Variants in TNRC6B observed in about 807,000 individuals in gnomAD.
TNRC6B encodes the protein trinucleotide repeat-containing gene 6B protein.
Under a neutral mutation model 203.6 loss-of-function variants are expected in TNRC6B, and 52 were observed. That is an observed-to-expected ratio of 0.26 (90% CI 0.20 to 0.32). TNRC6B has a LOEUF of 0.32. Among genes scored for constraint, TNRC6B ranks in the 10% least tolerant of loss-of-function variants. The pLI, the probability that TNRC6B is intolerant of heterozygous loss-of-function variation, is 1.00. For missense variants in TNRC6B, 1,923 were observed against 2,286.2 expected (o/e 0.84, Z 3.24); for synonymous variants, 838 against 845.7 (o/e 0.99, Z 0.16).
At position 40,054,258 on chromosome 22, in the gene TNRC6B, C is replaced by T. The variant is rs572758719; in HGVS notation, c.-121+9260C>T. ...TGAGGCCTAAAGACCCTGATAAGAA[C>T]CTGAATTCTTGTTCTTGCCTTTTTC... is the stretch of plus-strand genomic sequence containing the variant. On this transcript the variant is annotated intron_variant, in intron 1 of 23. Transcript: ENST00000301923. Among the ~76,000 whole-genome samples, 21 of 152,240 alleles carry T rather than the reference C, an allele frequency of 1.4e-4. 1 individual carries two copies. The South Asian group carries it at 4.4e-3, about 32-fold the overall frequency.
chr22:40,261,510 G>A (rs551993433), intron 3 of TNRC6B, among the ~76,000 whole-genome samples: 73 of 152,108 alleles, frequency 4.8e-4, no homozygotes, highest in African/African-American at 1.7e-3. Flanking sequence ...CCTGGGAGGC[G>A]GAGGTTGCAG....
intron 1 of TNRC6B, chr22:40,106,897 G>A: frequency 1.0e-6 from 1 of 973,942 alleles, no homozygotes; most frequent in Non-Finnish European, 1.6e-6. Context: ...CCTTGTGACA[G>A]TGCTTCGCTT....
At chr22:40,114,425 A>T (rs1290718385) in intron 1 of TNRC6B, among the ~76,000 whole-genome samples, 2 of 152,094 alleles carry the variant, frequency 1.3e-5, no homozygotes, top group Admixed American at 6.6e-5. Flanking sequence ...GACTCAAGCA[A>T]TTCTCCTGCC....
chr22:40,050,909 C>T (rs1022055419), intron 1 of TNRC6B, among the ~76,000 whole-genome samples: 1 of 151,602 alleles, frequency 6.6e-6, no homozygotes, highest in Admixed American at 6.6e-5. Context: ...ACTGCAACGT[C>T]TGCCTCCTGG....
chr22:40,052,844 G>A (rs1385246603), intron 1 of TNRC6B, among the ~76,000 whole-genome samples: 1 of 152,188 alleles, frequency 6.6e-6, no homozygotes, highest in African/African-American at 2.4e-5. Context: ...GACCAGTTGT[G>A]TAGTAGTAGG....
At chr22:40,052,988 G>A (rs980093144) in intron 1 of TNRC6B, among the ~76,000 whole-genome samples, 1 of 152,014 alleles carries the variant, frequency 6.6e-6, no homozygotes, top group African/African-American at 2.4e-5. Context: ...CATGAATTAC[G>A]AAGGTGTATA....
chr22:40,240,222 G>A (rs886894338), intron 1 of TNRC6B, among the ~76,000 whole-genome samples: 7 of 152,094 alleles, frequency 4.6e-5, no homozygotes, highest in Non-Finnish European at 7.4e-5. Context: ...TGTTGTATTC[G>A]CTCTTCACCT....
At chr22:40,196,460 G>A (rs957107000) in intron 1 of TNRC6B, among the ~76,000 whole-genome samples, 3 of 152,094 alleles carry the variant, frequency 2.0e-5, no homozygotes, top group African/African-American at 7.2e-5. Context: ...GAGTGCCTCA[G>A]TGGTCCAGGA....
At chr22:40,222,013 T>A (rs912750296) in intron 1 of TNRC6B, among the ~76,000 whole-genome samples, 35 of 152,096 alleles carry the variant, frequency 2.3e-4, no homozygotes, top group Non-Finnish European at 1.9e-4. Flanking sequence ...GTAGGATGAC[T>A]TACATCTAAC....
chr22:40,284,207 A>C (rs2070755221), intron 11 of TNRC6B, among the ~76,000 whole-genome samples: 2 of 152,242 alleles, frequency 1.3e-5, no homozygotes, highest in Non-Finnish European at 2.9e-5. Context: ...TCTTTGATTT[A>C]TGAGATACAC....
At chr22:40,289,300 A>AAGGG (rs1239134499) in intron 12 of TNRC6B, among the ~76,000 whole-genome samples, 5 of 151,976 alleles carry the variant, frequency 3.3e-5, no homozygotes, top group African/African-American at 9.7e-5. Flanking sequence ...AAAAAAGAGG[A>AAGGG]AGGGAGGGAG....
intron 3 of TNRC6B, among the ~76,000 whole-genome samples, chr22:40,134,448 G>A (rs1284005940): frequency 6.6e-6 from 1 of 152,222 alleles, no homozygotes; most frequent in Non-Finnish European, 1.5e-5. Context: ...AACTGTCACA[G>A]CCAAGAGACA....
At chr22:40,140,492 G>C (rs2068635667) in intron 3 of TNRC6B, among the ~76,000 whole-genome samples, 1 of 152,142 alleles carries the variant, frequency 6.6e-6, no homozygotes, top group South Asian at 2.1e-4. Context: ...ATTGAAGATG[G>C]AAGAACAAAA....
intron 1 of TNRC6B, among the ~76,000 whole-genome samples, chr22:40,096,131 A>G (rs2068184499): frequency 6.6e-6 from 1 of 152,214 alleles, no homozygotes; most frequent in African/African-American, 2.4e-5. Flanking sequence ...GGTGCTTCTT[A>G]TGGTAAATGG....
At chr22:40,163,094 C>T (rs2068884173) in intron 4 of TNRC6B, among the ~76,000 whole-genome samples, 1 of 151,858 alleles carries the variant, frequency 6.6e-6, no homozygotes, top group African/African-American at 2.4e-5. Context: ...TTCTTGGATG[C>T]CTGGACCATG....
chr22:40,222,728 CTTTTTTTTTTTTTTTT>C (rs61374373), intron 1 of TNRC6B, among the ~76,000 whole-genome samples: 15 of 40,186 alleles, frequency 3.7e-4, no homozygotes, highest in East Asian at 9.3e-4. Context: ...CTCTCTCTCT[CTTTTTTTTTTTTTTTT>C]TTTTTTTTTT....
At chr22:40,125,909 A>G in intron 3 of TNRC6B, 2 of 1,580,978 alleles carry the variant, frequency 1.3e-6, no homozygotes, top group Non-Finnish European at 1.7e-6. Context: ...ATTGAACAGT[A>G]GAGGCTGTGG....
At chr22:40,119,358 C>T (rs1386816792) in intron 2 of TNRC6B, among the ~76,000 whole-genome samples, 1 of 152,006 alleles carries the variant, frequency 6.6e-6, no homozygotes, top group African/African-American at 2.4e-5. Flanking sequence ...CCTAGGCGGG[C>T]GGATCACTTG....
At position 40,265,094 on chromosome 22, in the gene TNRC6B, T is replaced by C. The variant is rs748292415; in HGVS notation, c.864T>C (p.Ser288=). The change falls in exon 5 of 23, where the codon AGT becomes AGC. Residue 288 remains serine, a synonymous_variant. Transcript: ENST00000454349. ...GACTAGGAAATTGGAGGAATGTGAG[T>C]GGTCAGGATAGAATTGGACCTGGCT... is the stretch of plus-strand genomic sequence containing the variant. ...NNGLGNWRNV[S]GQDRIGPGSG... 1.2e-6 allele frequency: 2 copies of C among 1,613,870 alleles called. No individual in the cohort carries two copies. The highest frequency in any genetic ancestry group is 2.2e-5 in the South Asian group (2 of 91,076).
Sources: gnomAD v4.1 joint callset for allele counts (sites outside exome capture counted in the v4.1 genomes callset) on GRCh38, gnomAD v4.1.1 for gene constraint, MANE v1.5 for transcripts, NCBI Gene and HGNC (gene_info 2026-07-23, HGNC 2026-07-21) for gene names.